The following TOM1L1 variants were observed in gnomAD, a reference collection of about 807,000 sequenced individuals.
The protein encoded by TOM1L1 is TOM1-like protein 1.
A neutral mutation model predicts 63.4 loss-of-function variants in TOM1L1; 64 were observed. The observed-to-expected ratio is 1.01, with a 90% confidence interval of 0.83 to 1.24. The LOEUF (loss-of-function observed/expected upper bound fraction) is 1.24. Among genes scored for constraint, TOM1L1 ranks in the 50% most tolerant of loss-of-function variants. The pLI, the probability that TOM1L1 is intolerant of heterozygous loss-of-function variation, is 0.00. For missense variants in TOM1L1, 536 were observed against 567.0 expected, an observed-to-expected ratio of 0.95 and a Z score of 0.55; for synonymous variants, 166 against 194.4, an observed-to-expected ratio of 0.85 and a Z score of 1.22.
At chr17:54,901,868 TA>T (rs1269182819) in intron 1 of TOM1L1, among the ~76,000 whole-genome samples, 2 of 152,128 alleles carry the variant, frequency 1.3e-5, no homozygotes, top group African/African-American at 4.8e-5. Context: ...TCAGAGTAGC[TA>T]CCATTGAGGA....
Position 54,903,717 on chromosome 17 carries a change from C to T in TOM1L1, c.68C>T (p.Thr23Ile). Residue 23 changes from threonine to isoleucine, a missense_variant, in exon 2 of 16, where the codon ACA (threonine) becomes ATA (isoleucine). Thr to Ile is a moderately conservative substitution (Grantham distance 89, BLOSUM62 -1). Transcript: ENST00000575882. ...TSVGHLIEKA[T>I]FAGVQTEDWG... ...AGCTTTTTCTTGGCAGAAAAGGCTACATTTGCTGGAGTTCAGACTGAAGAT... is the reference window on the plus strand; with the variant it reads ...AGCTTTTTCTTGGCAGAAAAGGCTATATTTGCTGGAGTTCAGACTGAAGAT... The T allele has an allele frequency of 1.2e-6, 2 of 1,614,110 alleles. No homozygotes were observed. Among genetic ancestry groups the T allele is most frequent in the Non-Finnish European group, 1.7e-6 (2 of 1,179,994 alleles).
chr17:54,924,408 T>C (rs2048735551), intron 7 of TOM1L1, among the ~76,000 whole-genome samples: 1 of 151,910 alleles, frequency 6.6e-6, no homozygotes, highest in Non-Finnish European at 1.5e-5. Context: ...GCCTCCCGAG[T>C]AGCTGGGACT....
intron 1 of TOM1L1, among the ~76,000 whole-genome samples, chr17:54,903,325 A>AC (rs2048357664): frequency 6.6e-6 from 1 of 152,222 alleles, no homozygotes; most frequent in African/African-American, 2.4e-5. Context: ...ATCATCTCTC[A>AC]CAGTGGGTTA....
chr17:54,924,432 A>G lies in TOM1L1; in HGVS notation c.721-5641A>G, dbSNP rs1273822479. 3.3e-5 allele frequency among the ~76,000 whole-genome samples: 5 copies of G among 151,910 alleles called. No individual in the cohort carries two copies. The South Asian group carries it at 6.3e-4, about 19-fold the overall frequency. On this transcript the variant is annotated intron_variant, in intron 7 of 15. Coordinates refer to ENST00000575882, the MANE Select transcript of TOM1L1 (RefSeq NM_005486.3). ...GTAGCTGGGACTACAGGTGCCCGCC[A>G]CCATGCCCAGCTATTTTTTGTATTT... is the stretch of plus-strand genomic sequence containing the variant.
rs925416954 is a variant in TOM1L1 at position 54,919,989 on chromosome 17, T to TATTG, written c.720+4130_720+4131insGATT. ...TTTTGGTTTTGGTTTTTTATTGATT[T>TATTG]ATTTATTTATTTATTTATTTTATTT... On this transcript the variant is annotated intron_variant, in intron 7 of 15. Coordinates refer to ENST00000575882, the MANE Select transcript of TOM1L1 (RefSeq NM_005486.3). 3.6e-4 allele frequency among the ~76,000 whole-genome samples: 54 copies of TATTG among 150,982 alleles called. 1 individual carries two copies. Among genetic ancestry groups the TATTG allele is most frequent in the East Asian group, 2.9e-3 (15 of 5,120 alleles).
At chr17:54,956,743 C>T (rs1449764342) in intron 14 of TOM1L1, 2 of 152,202 alleles carry the variant, frequency 1.3e-5, no homozygotes, top group Admixed American at 6.5e-5. Context: ...CTATAACCAA[C>T]CAAGAATGCA....
intron 1 of TOM1L1, 119 bp downstream of exon 1, chr17:54,901,042 TC>T: frequency 7.3e-7 from 1 of 1,373,088 alleles, no homozygotes. Context: ...ATTATTCCCC[TC>T]CCCCCGCAAC....
intron 15 of TOM1L1, chr17:54,960,996 C>G: frequency 3.6e-6 from 2 of 558,358 alleles, no homozygotes; most frequent in East Asian, 3.0e-5. Context: ...CCAAATAGGT[C>G]TGAATTTTTC....
intron 14 of TOM1L1, among the ~76,000 whole-genome samples, chr17:54,951,209 T>C (rs1307019832): frequency 6.6e-6 from 1 of 152,192 alleles, no homozygotes; most frequent in Non-Finnish European, 1.5e-5. Context: ...TACTGGTTTA[T>C]TATAAAGGAC....
At chr17:54,934,181 G>C (rs2048910138) in intron 8 of TOM1L1, among the ~76,000 whole-genome samples, 1 of 152,204 alleles carries the variant, frequency 6.6e-6, no homozygotes, top group Admixed American at 6.5e-5. Flanking sequence ...AGATTCAGCA[G>C]AGCTGTTTTA....
At chr17:54,923,346 C>T (rs9904670) in intron 7 of TOM1L1, among the ~76,000 whole-genome samples, 38,486 of 151,306 alleles carry the variant, frequency 0.25, 5,138 homozygotes, top group South Asian at 0.31. Context: ...ATTCTGTTAG[C>T]GGTATGCAGT....
chr17:54,915,871 C>T lies in TOM1L1; in HGVS notation c.720+9C>T, dbSNP rs373185566. 80 of 1,595,778 alleles carry T rather than the reference C, an allele frequency of 5.0e-5. No homozygotes were observed. The highest frequency in any genetic ancestry group is 5.7e-5 in the Non-Finnish European group (66 of 1,163,792). ...ACATAGAGCTTCTGCAGGTGTTGTA[C>T]GATTTCAGGGACTATCAGTCAAAGT... is the stretch of plus-strand genomic sequence containing the variant. On this transcript the variant is annotated intron_variant, in intron 7 of 15. Transcript: ENST00000575882.
At chr17:54,908,928 A>G (rs767657502) in intron 3 of TOM1L1, among the ~76,000 whole-genome samples, 2 of 152,204 alleles carry the variant, frequency 1.3e-5, no homozygotes, top group Non-Finnish European at 2.9e-5. Context: ...ATGAAGAAAA[A>G]GCTTGGTTTA....
intron 4 of TOM1L1, 30 bp downstream of exon 4, chr17:54,912,845 T>C: frequency 6.6e-7 from 1 of 1,504,484 alleles, no homozygotes; most frequent in Non-Finnish European, 8.8e-7. Flanking sequence ...CATGGGATGG[T>C]AAATTTCTAA....
At chr17:54,929,194 C>T (rs892429492) in intron 7 of TOM1L1, among the ~76,000 whole-genome samples, 14 of 151,968 alleles carry the variant, frequency 9.2e-5, no homozygotes, top group Admixed American at 9.2e-4. Flanking sequence ...GTTTTATGTA[C>T]CTTGGGTTAA....
intron 7 of TOM1L1, among the ~76,000 whole-genome samples, chr17:54,922,714 G>A (rs1231107283): frequency 1.3e-5 from 2 of 152,154 alleles, no homozygotes; most frequent in Non-Finnish European, 2.9e-5. Context: ...TTTGCTGAAT[G>A]GGCTGAGAAG....
rs1350020668 is a variant in TOM1L1, at chr17:54,961,256, ACTACCACAT to A, written c.*25_*33del. 1.9e-6 allele frequency: 3 copies of A among 1,549,584 alleles called. No individual in the cohort carries two copies. Among genetic ancestry groups the A allele is most frequent in the Non-Finnish European group, 2.6e-6 (3 of 1,145,224 alleles). ...TTAGAAGAAAGTGGATGATCAGCTC[ACTACCACAT>A]CAAAGGTGCCAACTCTCTAAAACGT... On this transcript the variant is annotated 3_prime_UTR_variant, in exon 16 of 16. Transcript: ENST00000575882.
intron 14 of TOM1L1, among the ~76,000 whole-genome samples, chr17:54,958,698 C>CT (rs2077019666): frequency 7.8e-6 from 1 of 127,734 alleles, no homozygotes; most frequent in African/African-American, 3.0e-5. Context: ...CTATTGCACT[C>CT]TAGCGTGGGC....
At chr17:54,960,849 AG>A (rs1659192199) in intron 15 of TOM1L1, among the ~76,000 whole-genome samples, 1 of 152,142 alleles carries the variant, frequency 6.6e-6, no homozygotes, top group Non-Finnish European at 1.5e-5. Context: ...TTGGGAATAC[AG>A]TAGTTTATGG....
Sources: gnomAD v4.1 joint callset for allele counts (sites outside exome capture counted in the v4.1 genomes callset) on GRCh38, gnomAD v4.1.1 for gene constraint, MANE v1.5 for transcripts, NCBI Gene and HGNC (gene_info 2026-07-23, HGNC 2026-07-21) for gene names.